The following IL6R variants were observed in gnomAD, a reference collection of about 807,000 sequenced individuals.
The protein encoded by IL6R is interleukin-6 receptor subunit alpha.
In IL6R, 38 loss-of-function variants were observed where a neutral mutation model predicts 48.3. The ratio of observed to expected loss-of-function variants is 0.79; its 90% confidence interval spans 0.61 to 1.03. The LOEUF (loss-of-function observed/expected upper bound fraction) is 1.03. Among genes scored for constraint, IL6R ranks in the 50% least tolerant of loss-of-function variants. The pLI, the probability that IL6R is intolerant of heterozygous loss-of-function variation, is 0.00. For missense variants in IL6R, 534 were observed against 618.3 expected (o/e 0.86, Z 1.45); for synonymous variants, 264 against 256.2 (o/e 1.03, Z -0.29).
intron 9 of IL6R, among the ~76,000 whole-genome samples, chr1:154,455,516 C>T (rs1203054261): frequency 2.1e-5 from 3 of 142,520 alleles, no homozygotes; most frequent in Admixed American, 7.1e-5. Context: ...TGCAGTGGTG[C>T]GATCTCAGCT....
intron 1 of IL6R, 84 bp from the exon 2 acceptor site, chr1:154,429,112 G>A: frequency 2.1e-6 from 3 of 1,428,872 alleles, no homozygotes; most frequent in African/African-American, 1.4e-5. Context: ...TTATCACTGA[G>A]GCCTCTCGTG....
Position 154,434,697 on chromosome 1 carries a change from A to T in IL6R, c.637A>T (p.Ile213Phe). ...SKTQTFQGCG[I>F]LQPDPPANIT... is the part of the protein sequence containing the mutation. ...AACTCAAACCTTTCAGGGTTGTGGA[A>T]TCTGTACGTAAGCTCTAACCCCCTC... The change falls in exon 4 of 10, where the codon ATC (isoleucine) becomes TTC (phenylalanine). Residue 213 changes from isoleucine (I) to phenylalanine (F), a missense_variant. Coordinates refer to ENST00000368485, the MANE Select transcript of IL6R (RefSeq NM_000565.4). 4 of 1,613,586 alleles carry T rather than the reference A, an allele frequency of 2.5e-6. No homozygotes were observed. The highest frequency in any genetic ancestry group is 1.6e-4 in the Middle Eastern group (1 of 6,082).
chr1:154,450,181 C>T lies in IL6R; in HGVS notation c.1066+201C>T, dbSNP rs553551659. ...TGCTCGGTTGCCCAGGCTGGAGTGCCGTGGCATGATCTCGGCTCACCACAA... is the reference window on the plus strand; with the variant it reads ...TGCTCGGTTGCCCAGGCTGGAGTGCTGTGGCATGATCTCGGCTCACCACAA... On this transcript the variant is annotated intron_variant, in intron 8 of 9. Transcript: ENST00000368485. Among the ~76,000 whole-genome samples, 6 of 149,102 alleles carry T rather than the reference C, an allele frequency of 4.0e-5. No individual in the cohort carries two copies. In the East Asian group the frequency reaches 5.9e-4, roughly 15 times the overall value.
chr1:154,413,908 C>T (rs927285313), intron 1 of IL6R, among the ~76,000 whole-genome samples: 5 of 151,700 alleles, frequency 3.3e-5, no homozygotes, highest in African/African-American at 9.7e-5. Context: ...GCTCATGGCT[C>T]ACTGCAGCCT....
At chr1:154,450,104 CTGTGTGTGTGTGTGTGTG>C (rs71586016) in intron 8 of IL6R, 124 bp downstream of exon 8, 65 of 480,940 alleles carry the variant, frequency 1.4e-4, no homozygotes, top group African/African-American at 1.2e-3. Flanking sequence ...CAGAAATGTT[CTGTGTGTGTGTGTGTGTG>C]TGTGTGTGTG....
intron 1 of IL6R, among the ~76,000 whole-genome samples, chr1:154,411,467 C>A: frequency 6.6e-6 from 1 of 152,156 alleles, no homozygotes; most frequent in Non-Finnish European, 1.5e-5. Context: ...CGTGTGCTGG[C>A]AGATATTATT....
intron 1 of IL6R, among the ~76,000 whole-genome samples, chr1:154,408,530 G>A (rs2149201662): frequency 6.6e-6 from 1 of 152,206 alleles, no homozygotes; most frequent in Non-Finnish European, 1.5e-5. Flanking sequence ...GTAGGGGGTG[G>A]TTAGAGAGAG....
intron 6 of IL6R, among the ~76,000 whole-genome samples, chr1:154,446,577 C>CG (rs1314002544): frequency 1.3e-5 from 2 of 152,194 alleles, no homozygotes; most frequent in African/African-American, 4.8e-5. Context: ...CTGCCTGTTA[C>CG]GGTTAAGGCC....
At chr1:154,450,561 C>A (rs886260294) in intron 8 of IL6R, among the ~76,000 whole-genome samples, 1 of 152,194 alleles carries the variant, frequency 6.6e-6, no homozygotes, top group Non-Finnish European at 1.5e-5. Flanking sequence ...GCCCACAATA[C>A]AAATGAATGT....
rs546129136 is a variant in IL6R at position 154,458,892 on chromosome 1, C to T, written c.1160+4311C>T. On this transcript the variant is annotated intron_variant, in intron 9 of 9. Coordinates refer to ENST00000368485, the MANE Select transcript of IL6R (RefSeq NM_000565.4). Reference sequence around the variant, plus strand: ...CTCCAGCCTGGGCAGCAGAAGGAGACTCCATCTCAAAAAAAAAAAAAAGAT... The same window carrying T: ...CTCCAGCCTGGGCAGCAGAAGGAGATTCCATCTCAAAAAAAAAAAAAAGAT... 1.4e-3 allele frequency among the ~76,000 whole-genome samples: 205 copies of T among 143,648 alleles called. 1 individual carries two copies. The highest frequency in any genetic ancestry group is 5.5e-3 in the African/African-American group (200 of 36,564). The allele number at this position is 143,648 out of a possible 152,430, so 94.2% of individuals were successfully genotyped here.
intron 1 of IL6R, among the ~76,000 whole-genome samples, chr1:154,424,952 C>T (rs1191590448): frequency 1.3e-5 from 2 of 152,094 alleles, no homozygotes; most frequent in African/African-American, 2.4e-5. Flanking sequence ...CAAAGGGGTC[C>T]GCATGAGAGG....
chr1:154,433,212 G>GA (rs1419750853), intron 3 of IL6R, among the ~76,000 whole-genome samples: 6 of 152,238 alleles, frequency 3.9e-5, no homozygotes, highest in Non-Finnish European at 7.3e-5. Flanking sequence ...CCATGTGCTG[G>GA]ATTCAGCAGG....
At chr1:154,428,904 G>C (rs1310043157) in intron 1 of IL6R, among the ~76,000 whole-genome samples, 1 of 152,178 alleles carries the variant, frequency 6.6e-6, no homozygotes, top group African/African-American at 2.4e-5. Flanking sequence ...TGCAGGCCAC[G>C]CTGAGGAGCT....
chr1:154,413,915 G>C (rs1688185001), intron 1 of IL6R, among the ~76,000 whole-genome samples: 1 of 151,626 alleles, frequency 6.6e-6, no homozygotes, highest in South Asian at 2.1e-4. Flanking sequence ...GCTCACTGCA[G>C]CCTCAATTTC....
In IL6R at chr1:154,405,715, G is replaced by A; in HGVS notation, c.85+1G>A. The A allele has an allele frequency of 6.7e-7, 1 of 1,501,852 alleles. No homozygotes were observed. 93.0% of individuals were successfully genotyped at this position (1,501,852 alleles called of 1,614,324 possible). A position where few individuals can be genotyped will look rare whatever the true frequency, so the allele number is the denominator to read the frequency against. On this transcript the variant is annotated splice_donor_variant, in intron 1 of 9. Coordinates refer to ENST00000368485, the MANE Select transcript of IL6R (RefSeq NM_000565.4). LOFTEE classifies it high-confidence loss of function. The surrounding 1 kb of genome is among the most constrained non-coding windows in gnomAD (Gnocchi z 5.2). ...GCCCCAAGGCGCTGCCCTGCGCAGGGTAAGGGCTTCGGGCGCACCTGGAGG... is the reference window on the plus strand; with the variant it reads ...GCCCCAAGGCGCTGCCCTGCGCAGGATAAGGGCTTCGGGCGCACCTGGAGG...
At chr1:154,426,885 G>A (rs995882847) in intron 1 of IL6R, among the ~76,000 whole-genome samples, 2 of 151,586 alleles carry the variant, frequency 1.3e-5, no homozygotes, top group Non-Finnish European at 2.9e-5. Flanking sequence ...ACCCCTTATT[G>A]CCCTCAGTGG....
chr1:154,458,134 T>G lies in IL6R; in HGVS notation c.1160+3553T>G, dbSNP rs188261799. 7.6e-4 allele frequency among the ~76,000 whole-genome samples: 116 copies of G among 151,746 alleles called. 1 individual carries two copies. The highest frequency in any genetic ancestry group is 1.3e-3 in the Non-Finnish European group (86 of 67,948). On this transcript the variant is annotated intron_variant, in intron 9 of 9. Transcript: ENST00000368485. ...GGCGCCCACCACCACGCCTGGCTAA[T>G]TTTTTGTATTTTTTTTTAGTAGAGA...
intron 7 of IL6R, among the ~76,000 whole-genome samples, chr1:154,449,095 C>T (rs1390972605): frequency 6.8e-6 from 1 of 146,304 alleles, no homozygotes; most frequent in South Asian, 2.1e-4. Context: ...CGGGGTTTCA[C>T]CTTGTTAGCC....
chr1:154,421,151 T>A (rs1020655128), intron 1 of IL6R, among the ~76,000 whole-genome samples: 3 of 152,200 alleles, frequency 2.0e-5, no homozygotes, highest in Non-Finnish European at 4.4e-5. Flanking sequence ...CTCCTGCCTC[T>A]GCGCTGCTTC....
Sources: allele counts gnomAD v4.1 joint callset (sites outside exome capture counted in the v4.1 genomes callset), GRCh38; gene constraint gnomAD v4.1.1; non-coding constraint Gnocchi (gnomAD v3.1); transcripts MANE v1.5; gene names NCBI Gene and HGNC (gene_info 2026-07-23, HGNC 2026-07-21).